GALNTL6: variants seen among roughly 807,000 people sequenced by gnomAD.
GALNTL6 encodes polypeptide N-acetylgalactosaminyltransferase-like 6.
In GALNTL6, 46 loss-of-function variants were observed where a neutral mutation model predicts 73.7. The ratio of observed to expected loss-of-function variants is 0.62; its 90% confidence interval spans 0.49 to 0.80. The LOEUF (loss-of-function observed/expected upper bound fraction) is 0.80. Ranked by LOEUF, GALNTL6 falls within the 30% of genes least tolerant of loss-of-function variation. GALNTL6 has a pLI of 0.00. For missense variants in GALNTL6, 604 were observed against 755.0 expected (o/e 0.80, Z 2.34); for synonymous variants, 259 against 263.7 (o/e 0.98, Z 0.17).
intron 2 of GALNTL6, among the ~76,000 whole-genome samples, chr4:172,109,013 CAAAAAAAAAAA>C (rs202017302): frequency 1.1e-4 from 12 of 108,336 alleles, no homozygotes; most frequent in East Asian, 4.7e-4. Context: ...ACTCCATCTC[CAAAAAAAAAAA>C]AAAAAAAAAA....
chr4:172,574,351 G>A (rs1462447711), intron 5 of GALNTL6, among the ~76,000 whole-genome samples: 5 of 151,690 alleles, frequency 3.3e-5, no homozygotes, highest in African/African-American at 1.2e-4. Context: ...TCACAGGAGA[G>A]GTTTTGCAGT....
intron 2 of GALNTL6, among the ~76,000 whole-genome samples, chr4:171,919,160 TGAATAAA>T (rs1752483931): frequency 6.6e-6 from 1 of 152,140 alleles, no homozygotes; most frequent in Non-Finnish European, 1.5e-5. Flanking sequence ...TTACCACAGA[TGAATAAA>T]AGTCAGTCTT....
At chr4:172,678,409 G>A (rs1240262437) in intron 5 of GALNTL6, among the ~76,000 whole-genome samples, 16 of 150,282 alleles carry the variant, frequency 1.1e-4, no homozygotes, top group Admixed American at 7.3e-4. Flanking sequence ...GCAATGGCAC[G>A]ATCTCGGCTC....
rs10664817 is a variant in GALNTL6, at chr4:172,861,319, A to ATGTGTGTGTG, written c.924-21443_924-21434dup. Among the ~76,000 whole-genome samples the ATGTGTGTGTG allele has an allele frequency of 3.4e-3, 494 of 146,356 alleles. 4 individuals are homozygous for ATGTGTGTGTG. The highest frequency in any genetic ancestry group is 0.012 in the African/African-American group (455 of 37,456). ...GTTGTCTGGCTTGGTTTTTGCTTAC[A>ATGTGTGTGTG]TGTGTGTGTGTGTGTGTGTGTGTGT... On this transcript the variant is annotated intron_variant, in intron 7 of 12. Transcript: ENST00000506823.
At chr4:171,971,401 C>T (rs75663929) in intron 2 of GALNTL6, among the ~76,000 whole-genome samples, 2,577 of 152,112 alleles carry the variant, frequency 0.017, 71 homozygotes, top group African/African-American at 0.059. Flanking sequence ...GCTGTTGTTT[C>T]GTTTTTTGAG....
chr4:172,267,233 C>T (rs1451537966), intron 3 of GALNTL6, among the ~76,000 whole-genome samples: 3 of 152,018 alleles, frequency 2.0e-5, no homozygotes, highest in Non-Finnish European at 4.4e-5. Flanking sequence ...GCTACATATA[C>T]ATTTCTAAGG....
chr4:172,114,574 G>T (rs1395328372), intron 2 of GALNTL6, among the ~76,000 whole-genome samples: 1 of 152,006 alleles, frequency 6.6e-6, no homozygotes, highest in Non-Finnish European at 1.5e-5. Context: ...GAACAATAAA[G>T]AACCCAGAGC....
chr4:172,694,903 C>T (rs72990427), intron 5 of GALNTL6, among the ~76,000 whole-genome samples: 5,812 of 152,234 alleles, frequency 0.038, 305 homozygotes, highest in Admixed American at 0.11. Flanking sequence ...CCAGAATATT[C>T]TGTGGTCATA....
At chr4:172,533,308 C>T (rs12642696) in intron 5 of GALNTL6, among the ~76,000 whole-genome samples, 13,121 of 140,742 alleles carry the variant, frequency 0.093, 865 homozygotes, top group East Asian at 0.21. Context: ...CCGCCGTGCC[C>T]GGCCAGAATT....
intron 2 of GALNTL6, among the ~76,000 whole-genome samples, chr4:172,088,608 T>G (rs1732114324): frequency 6.6e-6 from 1 of 152,236 alleles, no homozygotes; most frequent in African/African-American, 2.4e-5. Context: ...ACAGAGAGTT[T>G]GATTTGGAAC....
intron 11 of GALNTL6, among the ~76,000 whole-genome samples, chr4:173,011,434 C>A (rs10029324): frequency 0.013 from 1,907 of 152,264 alleles, 44 homozygotes; most frequent in African/African-American, 0.044. Flanking sequence ...TTTGCCCAGA[C>A]CAATGTCCTG....
chr4:172,347,550 G>T (rs1285909839), intron 4 of GALNTL6, among the ~76,000 whole-genome samples: 1 of 151,994 alleles, frequency 6.6e-6, no homozygotes, highest in African/African-American at 2.4e-5. Flanking sequence ...ATTATGACCA[G>T]GTATGCTGAA....
intron 10 of GALNTL6, among the ~76,000 whole-genome samples, chr4:172,956,069 A>T (rs922941969): frequency 2.0e-5 from 3 of 152,132 alleles, no homozygotes; most frequent in African/African-American, 7.2e-5. Flanking sequence ...TGACATTCCC[A>T]TCTTCTTATA....
At chr4:171,836,888 A>T (rs947174028) in intron 2 of GALNTL6, among the ~76,000 whole-genome samples, 3 of 152,150 alleles carry the variant, frequency 2.0e-5, no homozygotes, top group Non-Finnish European at 4.4e-5. Context: ...CAAGGGAAAA[A>T]CCTAGAATGA....
intron 5 of GALNTL6, among the ~76,000 whole-genome samples, chr4:172,424,798 A>C (rs1364626474): frequency 6.6e-6 from 1 of 152,150 alleles, no homozygotes; most frequent in Non-Finnish European, 1.5e-5. Flanking sequence ...TCTCATGGCC[A>C]TGACCAAATG....
intron 2 of GALNTL6, among the ~76,000 whole-genome samples, chr4:171,886,082 G>T (rs995361775): frequency 1.3e-5 from 2 of 151,900 alleles, no homozygotes; most frequent in African/African-American, 4.8e-5. Context: ...GTTGCTAAAG[G>T]ATAAAATATC....
chr4:171,819,213 G>A (rs975252137), intron 2 of GALNTL6, among the ~76,000 whole-genome samples: 3 of 152,026 alleles, frequency 2.0e-5, no homozygotes, highest in African/African-American at 7.2e-5. Flanking sequence ...TTAAATTAGG[G>A]TTTTAAAGGA....
intron 5 of GALNTL6, among the ~76,000 whole-genome samples, chr4:172,573,080 G>A (rs111611601): frequency 6.2e-4 from 94 of 152,052 alleles, no homozygotes; most frequent in African/African-American, 2.0e-3. Context: ...GTGTTTACCC[G>A]GCTACATGAT....
At chr4:172,907,346 T>C (rs943724868) in intron 8 of GALNTL6, among the ~76,000 whole-genome samples, 6 of 152,140 alleles carry the variant, frequency 3.9e-5, no homozygotes, top group African/African-American at 1.4e-4. Context: ...TAAATACTCA[T>C]ACTGAAAAAT....
Sources: gnomAD v4.1 joint callset for allele counts (sites outside exome capture counted in the v4.1 genomes callset) on GRCh38, gnomAD v4.1.1 for gene constraint, MANE v1.5 for transcripts, NCBI Gene and HGNC (gene_info 2026-07-23, HGNC 2026-07-21) for gene names.